The following GNAQ variants were observed in gnomAD, a reference collection of about 807,000 sequenced individuals.
The protein encoded by GNAQ is G protein subunit alpha q.
In GNAQ, 8 loss-of-function variants were observed where a neutral mutation model predicts 43.9. The observed-to-expected ratio is 0.18, with a 90% CI of 0.11 to 0.33. The LOEUF (loss-of-function observed/expected upper bound fraction) is 0.33. Ranked by LOEUF, GNAQ falls within the 10% of genes least tolerant of loss-of-function variation. The probability of loss-of-function intolerance (pLI) is 1.00; values close to 1 mark genes in which losing one functional copy is unlikely to be tolerated. For missense variants in GNAQ, 158 were observed against 450.8 expected (o/e 0.35, Z 5.88); for synonymous variants, 155 against 170.7 (o/e 0.91, Z 0.71).
At chr9:77,807,807 A>G (rs553953820) in intron 3 of GNAQ, among the ~76,000 whole-genome samples, 111 of 152,316 alleles carry the variant, frequency 7.3e-4, no homozygotes, top group African/African-American at 2.5e-3. Context: ...GTGTGTGAGA[A>G]TGAAAATCAG....
rs1261721960 is a variant in GNAQ at position 77,906,975 on chromosome 9, CTTT to C, written c.321+15183_321+15185del. Among the ~76,000 whole-genome samples the C allele has an allele frequency of 2.6e-5, 4 of 152,064 alleles. No homozygotes were observed. The East Asian group carries it at 7.7e-4, about 29-fold the overall frequency. ...GATTACAAGTGATTTTTTCCTTCTT[CTTT>C]TGCTTTTCTATGTTATCTGAATTTT... is the stretch of plus-strand genomic sequence containing the variant. On this transcript the variant is annotated intron_variant, in intron 2 of 6. Coordinates refer to ENST00000286548, the MANE Select transcript of GNAQ (RefSeq NM_002072.5).
rs547204249 is a variant in GNAQ, at chr9:77,983,465, C to T, written c.136+47635G>A. ...TGCTGGGAGATGACTCCTCTGGGCC[C>T]CTCCCCTCTGGAACTGAGAGGACTG... On this transcript the variant is annotated intron_variant, in intron 1 of 6. Coordinates refer to ENST00000286548, the MANE Select transcript of GNAQ (RefSeq NM_002072.5). Among the ~76,000 whole-genome samples the T allele has an allele frequency of 2.0e-5, 3 of 152,320 alleles. No homozygotes were observed. In the South Asian group the frequency reaches 6.2e-4, roughly 32 times the overall value.
intron 5 of GNAQ, among the ~76,000 whole-genome samples, chr9:77,748,597 G>GT (rs1197406504): frequency 6.6e-6 from 1 of 152,178 alleles, no homozygotes; most frequent in East Asian, 1.9e-4. Flanking sequence ...AGCCTAAGTG[G>GT]TATCTGTAAT....
rs199567833 is a variant in GNAQ, at chr9:78,007,428, GAA to G, written c.136+23670_136+23671del. Among the ~76,000 whole-genome samples, 1,247 of 144,672 alleles carry G rather than the reference GAA, an allele frequency of 8.6e-3. 29 individuals carry two copies. The highest frequency in any genetic ancestry group is 0.03 in the African/African-American group (1,170 of 39,486). 94.9% of individuals were successfully genotyped at this position (144,672 alleles called of 152,430 possible). A position where few individuals can be genotyped will look rare whatever the true frequency, so the allele number is the denominator to read the frequency against. The stretch of plus-strand genomic sequence containing the variant: ...CCTTGCTCAAGCAAGCCACCCACTA[GAA>G]AACAAGGAAGAAAAAAAAAAAATCG... On this transcript the variant is annotated intron_variant, in intron 1 of 6. Transcript: ENST00000286548.
At chr9:77,939,151 T>A (rs1829278088) in intron 1 of GNAQ, among the ~76,000 whole-genome samples, 1 of 152,208 alleles carries the variant, frequency 6.6e-6, no homozygotes, top group Non-Finnish European at 1.5e-5. Flanking sequence ...TGTGTCCCCA[T>A]GACCTTCCTA....
At chr9:77,928,898 A>G (rs907361304) in intron 1 of GNAQ, among the ~76,000 whole-genome samples, 34 of 152,062 alleles carry the variant, frequency 2.2e-4, no homozygotes, top group African/African-American at 8.2e-4. Flanking sequence ...GGCGCCTATA[A>G]TCTCAGCTAC....
At chr9:77,728,835 T>C (rs982364657) in intron 5 of GNAQ, among the ~76,000 whole-genome samples, 168 bp from the exon 6 acceptor site, 3 of 152,308 alleles carry the variant, frequency 2.0e-5, no homozygotes, top group African/African-American at 4.8e-5. Context: ...ATGACACACA[T>C]TGGCTGTTTT....
At chr9:77,935,624 T>A (rs1315781216) in intron 1 of GNAQ, among the ~76,000 whole-genome samples, 1 of 152,222 alleles carries the variant, frequency 6.6e-6, no homozygotes, top group East Asian at 1.9e-4. Context: ...GTTCCACATG[T>A]GCTGTCCAAA....
chr9:78,008,578 TCA>T (rs1823734061), intron 1 of GNAQ, among the ~76,000 whole-genome samples: 1 of 73,532 alleles, frequency 1.4e-5, no homozygotes, highest in Non-Finnish European at 2.7e-5. Flanking sequence ...TTATTTCATT[TCA>T]TTTCATTTCA....
rs1160777221 is a variant in GNAQ at position 77,845,005 on chromosome 9, T to G, written c.322-29235A>C. Reference sequence around the variant, plus strand: ...AAATCTTTTTAAAAACTATCTTACTTATTACAAAACTATGGGGATGAAGTT... The same window carrying G: ...AAATCTTTTTAAAAACTATCTTACTGATTACAAAACTATGGGGATGAAGTT... On this transcript the variant is annotated intron_variant, in intron 2 of 6. Transcript: ENST00000286548. 2.0e-5 allele frequency among the ~76,000 whole-genome samples: 3 copies of G among 152,210 alleles called. No homozygotes were observed. In the East Asian group the frequency reaches 5.8e-4, roughly 29 times the overall value.
intron 1 of GNAQ, among the ~76,000 whole-genome samples, chr9:77,977,259 C>T (rs1208839069): frequency 6.6e-6 from 1 of 152,116 alleles, no homozygotes; most frequent in African/African-American, 2.4e-5. Flanking sequence ...CTCCATTCCC[C>T]ACCCTAACCC....
intron 1 of GNAQ, among the ~76,000 whole-genome samples, chr9:77,923,994 T>C (rs768687105): frequency 1.3e-5 from 2 of 152,212 alleles, no homozygotes; most frequent in Non-Finnish European, 2.9e-5. Flanking sequence ...TGACTGCAGA[T>C]GTCTTGGTAA....
chr9:77,907,105 T>C (rs566075045), intron 2 of GNAQ, among the ~76,000 whole-genome samples: 1 of 152,344 alleles, frequency 6.6e-6, no homozygotes, highest in East Asian at 1.9e-4. Flanking sequence ...TAATTTCAAG[T>C]GTACAGCTAT....
chr9:77,721,562 G>T, intron 6 of GNAQ, 49 bp from the exon 7 acceptor site: 1 of 1,073,928 alleles, frequency 9.3e-7, no homozygotes, highest in Non-Finnish European at 1.4e-6. Context: ...ATCTGCTAAT[G>T]TATTCAATCA....
intron 5 of GNAQ, among the ~76,000 whole-genome samples, chr9:77,752,352 C>T (rs867052110): frequency 5.9e-5 from 9 of 151,564 alleles, no homozygotes; most frequent in Admixed American, 3.3e-4. Context: ...AGTGACTACT[C>T]TATCTGAGTC....
At chr9:77,897,818 G>A (rs963158883) in intron 2 of GNAQ, among the ~76,000 whole-genome samples, 5 of 151,894 alleles carry the variant, frequency 3.3e-5, no homozygotes, top group African/African-American at 9.7e-5. Flanking sequence ...GACTTCCCCT[G>A]CCCCACTCCC....
At chr9:77,986,179 A>G (rs1439371267) in intron 1 of GNAQ, among the ~76,000 whole-genome samples, 1 of 152,078 alleles carries the variant, frequency 6.6e-6, no homozygotes. Context: ...CTGCTGCAAG[A>G]TATCTGGCTC....
intron 1 of GNAQ, 121 bp from the exon 2 acceptor site, chr9:77,922,466 C>G: frequency 1.5e-6 from 1 of 680,396 alleles, no homozygotes; most frequent in Non-Finnish European, 2.6e-6. Context: ...AGGAGCGACT[C>G]TAGAATTGGA....
At chr9:77,996,725 A>G (rs1204606805) in intron 1 of GNAQ, among the ~76,000 whole-genome samples, 2 of 152,184 alleles carry the variant, frequency 1.3e-5, no homozygotes, top group South Asian at 2.1e-4. Context: ...AAACAAATGC[A>G]ATAGTCAGAT....
Sources: gnomAD v4.1 joint callset for allele counts (sites outside exome capture counted in the v4.1 genomes callset) on GRCh38, gnomAD v4.1.1 for gene constraint, MANE v1.5 for transcripts, NCBI Gene and HGNC (gene_info 2026-07-23, HGNC 2026-07-21) for gene names.